The following ATRX variants were observed in gnomAD, a reference collection of about 807,000 sequenced individuals.
The protein encoded by ATRX is chromatin remodeler ATRX.
In ATRX, 12 loss-of-function variants were observed where a neutral mutation model predicts 172.6. The observed-to-expected ratio is 0.07, with a 90% CI of 0.04 to 0.11. The LOEUF is 0.11. ATRX is among the 10% of genes least tolerant of loss of function. The pLI is 1.00. For missense variants in ATRX, 1,368 were observed against 1,767.4 expected, an observed-to-expected ratio of 0.77 and a Z score of 4.05; for synonymous variants, 674 against 594.7, an observed-to-expected ratio of 1.13 and a Z score of -1.94.
chrX:77,616,759 TTAATC>T lies in ATRX; in HGVS notation c.5449-34_5449-30del, dbSNP rs782352435. 3.9e-3 allele frequency: 3,961 copies of T among 1,013,051 alleles called. 12 individuals are homozygous for T. Among genetic ancestry groups the T allele is most frequent in the Non-Finnish European group, 4.9e-3 (3,554 of 718,307 alleles). 83.5% of individuals were successfully genotyped at this position (1,013,051 alleles called of 1,213,427 possible). A position where few individuals can be genotyped will look rare whatever the true frequency, so the allele number is the denominator to read the frequency against. On this transcript the variant is annotated intron_variant, in intron 21 of 34. Transcript: ENST00000373344. ...TAATTAACAAGAAAGAGAATGAAAA[TTAATC>T]TAAATATTTAACAGGAATGAACTAC...
chrX:77,515,002 G>T (rs919319798), intron 34 of ATRX, among the ~76,000 whole-genome samples: 1 of 112,123 alleles, frequency 8.9e-6, no homozygotes, highest in Non-Finnish European at 1.9e-5. Flanking sequence ...ACAATCATAT[G>T]AAAAAAAGCT....
intron 28 of ATRX, among the ~76,000 whole-genome samples, chrX:77,560,695 G>C (rs1324228982): frequency 9.0e-6 from 1 of 111,150 alleles, no homozygotes; most frequent in Non-Finnish European, 1.9e-5. Flanking sequence ...ATGGGAAAAA[G>C]TTTACAATTT....
chrX:77,612,355 T>G (rs782804089), intron 22 of ATRX, among the ~76,000 whole-genome samples: 18 of 109,635 alleles, frequency 1.6e-4, no homozygotes, highest in African/African-American at 5.6e-4. Context: ...TTTTAAAAAT[T>G]TACTGTTTTA....
chrX:77,629,646 T>C (rs1346777332), intron 19 of ATRX, among the ~76,000 whole-genome samples: 7 of 111,872 alleles, frequency 6.3e-5, no homozygotes, highest in East Asian at 2.8e-4. Context: ...AAGGGTAATC[T>C]AGGTATTTAT....
In ATRX at chrX:77,618,839, G is replaced by A. The variant is rs2148257949; in HGVS notation, c.5415C>T (p.His1805=). ...ATCCAGCTAACATCTCATAGAGAAT[G>A]TGAGCACGTTTTTTCATCACTCTGA... ...VDVRVMKKRA[H]ILYEMLAGCV... Residue 1805 remains histidine (H), a synonymous_variant, in exon 21 of 35, where the codon CAC becomes CAT. Coordinates refer to ENST00000373344, the MANE Select transcript of ATRX (RefSeq NM_000489.6). The A allele has an allele frequency of 8.3e-7, 1 of 1,210,488 alleles. No homozygotes were observed. The highest frequency in any genetic ancestry group is 1.1e-6 in the Non-Finnish European group (1 of 894,410).
chrX:77,696,545 C>T, intron 5 of ATRX, 32 bp downstream of exon 5: 2 of 1,192,992 alleles, frequency 1.7e-6, no homozygotes, highest in Non-Finnish European at 2.3e-6. Context: ...TTCATTTCAA[C>T]TTTAACTTCA....
At chrX:77,671,666 A>G (rs2070627717) in intron 10 of ATRX, among the ~76,000 whole-genome samples, 2 of 111,324 alleles carry the variant, frequency 1.8e-5, no homozygotes, top group Admixed American at 1.9e-4. Context: ...TCAAATTTCA[A>G]AATTTTATTT....
intron 2 of ATRX, among the ~76,000 whole-genome samples, chrX:77,699,228 G>A (rs901490889): frequency 1.8e-5 from 2 of 110,452 alleles, no homozygotes; most frequent in Admixed American, 1.9e-4. Context: ...CAACCTCCCG[G>A]GTTCAGGTGA....
chrX:77,677,478 G>A (rs2070942586), intron 9 of ATRX, among the ~76,000 whole-genome samples: 1 of 111,436 alleles, frequency 9.0e-6, no homozygotes, highest in African/African-American at 3.3e-5. Context: ...CGGTTGTGGT[G>A]GTGATTATAC....
intron 9 of ATRX, among the ~76,000 whole-genome samples, 195 bp from the exon 10 acceptor site, chrX:77,676,493 A>G (rs2070871729): frequency 8.9e-6 from 1 of 111,879 alleles, no homozygotes; most frequent in African/African-American, 3.2e-5. Context: ...GTAAAATGAT[A>G]AATAGCTGGA....
At chrX:77,628,583 C>A (rs1557104312) in intron 19 of ATRX, among the ~76,000 whole-genome samples, 3 of 111,751 alleles carry the variant, frequency 2.7e-5, no homozygotes. Context: ...AATCCCTGAC[C>A]CAGTAAAACT....
Position 77,552,657 on chromosome X carries a change from G to A in ATRX, c.6699+4794C>T, listed in dbSNP as rs782662776. Reference sequence around the variant, plus strand: ...CATTGCATTATTCACTAAGGATACTGAAGGAAGCACAGAATGCAGTTCTTG... The same window carrying A: ...CATTGCATTATTCACTAAGGATACTAAAGGAAGCACAGAATGCAGTTCTTG... On this transcript the variant is annotated intron_variant, in intron 30 of 34. Transcript: ENST00000373344. 2.7e-5 allele frequency among the ~76,000 whole-genome samples: 3 copies of A among 111,498 alleles called. No individual in the cohort carries two copies. In the South Asian group the frequency reaches 1.1e-3, roughly 42 times the overall value.
chrX:77,681,392 A>G, intron 9 of ATRX, 128 bp downstream of exon 9: 1 of 640,178 alleles, frequency 1.6e-6, no homozygotes, highest in Non-Finnish European at 2.4e-6. Context: ...TAAACTCCTA[A>G]ATAATTTTTA....
chrX:77,657,168 T>C (rs2069598951), intron 12 of ATRX, among the ~76,000 whole-genome samples: 1 of 111,064 alleles, frequency 9.0e-6, no homozygotes, highest in African/African-American at 3.3e-5. Flanking sequence ...TGAGGGCGTA[T>C]GGTTATTTTC....
chrX:77,512,075 C>T (rs1241827652), intron 34 of ATRX, among the ~76,000 whole-genome samples: 1 of 111,549 alleles, frequency 9.0e-6, no homozygotes, highest in Non-Finnish European at 1.9e-5. Flanking sequence ...CTAAATGCAG[C>T]AAGAGAAAGG....
chrX:77,672,815 T>C (rs2070694597), intron 10 of ATRX, among the ~76,000 whole-genome samples: 1 of 111,711 alleles, frequency 9.0e-6, no homozygotes, highest in Non-Finnish European at 1.9e-5. Flanking sequence ...GACATCCATG[T>C]AGAAATCTCA....
chrX:77,511,487 A>G (rs782161155), intron 34 of ATRX, among the ~76,000 whole-genome samples: 8 of 112,197 alleles, frequency 7.1e-5, no homozygotes, highest in African/African-American at 2.3e-4. Context: ...GACCAATCCT[A>G]GAGAGACAGA....
intron 22 of ATRX, among the ~76,000 whole-genome samples, chrX:77,609,844 C>T (rs186371208): frequency 9.9e-5 from 11 of 111,345 alleles, no homozygotes; most frequent in South Asian, 3.8e-4. Context: ...ATAGAGGCTG[C>T]GAAGGGTAGT....
intron 2 of ATRX, among the ~76,000 whole-genome samples, chrX:77,700,438 C>T (rs2072440859): frequency 8.9e-6 from 1 of 111,989 alleles, no homozygotes; most frequent in African/African-American, 3.2e-5. Flanking sequence ...CAATTTCTTA[C>T]AAAACTAAGC....
Sources: allele counts gnomAD v4.1 joint callset (sites outside exome capture counted in the v4.1 genomes callset), GRCh38; gene constraint gnomAD v4.1.1; transcripts MANE v1.5; gene names NCBI Gene and HGNC (gene_info 2026-07-23, HGNC 2026-07-21).